The following ITGA4 variants were observed in gnomAD, a reference collection of about 807,000 sequenced individuals.
The protein encoded by ITGA4 is integrin subunit alpha 4.
ITGA4 carries 63 observed loss-of-function variants against 133.6 expected under a neutral mutation model. That is an observed-to-expected ratio of 0.47 (90% CI 0.38 to 0.58). The LOEUF is 0.58. ITGA4 is among the 20% of genes least tolerant of loss of function. The probability of loss-of-function intolerance (pLI) is 0.00; values close to 1 mark genes in which losing one functional copy is unlikely to be tolerated. For synonymous variants in ITGA4, 483 were observed against 438.0 expected, an observed-to-expected ratio of 1.10 and a Z score of -1.28; for missense variants, 1,076 against 1,252.7, an observed-to-expected ratio of 0.86 and a Z score of 2.13.
At chr2:181,487,304 G>A (rs1551032) in intron 10 of ITGA4, among the ~76,000 whole-genome samples, 1 of 152,224 alleles carries the variant, frequency 6.6e-6, no homozygotes, top group South Asian at 2.1e-4. Context: ...AGACAGGGGT[G>A]AGGGAAGGTG....
intron 15 of ITGA4, among the ~76,000 whole-genome samples, chr2:181,503,015 A>C (rs1686312722): frequency 6.6e-6 from 1 of 152,034 alleles, no homozygotes; most frequent in Admixed American, 6.6e-5. Flanking sequence ...GGGACCAGGA[A>C]AGAAATTTGA....
At chr2:181,457,910 C>A in intron 1 of ITGA4, 59 bp downstream of exon 1, 1 of 1,458,542 alleles carries the variant, frequency 6.9e-7, no homozygotes, top group Non-Finnish European at 9.3e-7. Flanking sequence ...GAATGGCGCC[C>A]TAGGGATTCC....
intron 17 of ITGA4, among the ~76,000 whole-genome samples, chr2:181,518,285 C>G (rs1686650794): frequency 6.6e-6 from 1 of 152,082 alleles, no homozygotes; most frequent in South Asian, 2.1e-4. Context: ...ACACATTCTT[C>G]CAGCATATCC....
chr2:181,480,292 A>G lies in ITGA4; in HGVS notation c.754+26A>G, dbSNP rs748467631. 4 of 1,286,350 alleles carry G rather than the reference A, an allele frequency of 3.1e-6. No individual in the cohort carries two copies. The South Asian group carries it at 5.0e-5, about 16-fold the overall frequency. 79.7% of individuals were successfully genotyped at this position (1,286,350 alleles called of 1,614,324 possible). On this transcript the variant is annotated intron_variant, in intron 6 of 27. Coordinates refer to ENST00000397033, the MANE Select transcript of ITGA4 (RefSeq NM_000885.6). ...GTACTATAAAAATTGACAAACTTAA[A>G]TGATCTGTGCCTTACAAATACTAGT...
At chr2:181,470,124 A>T (rs1456147255) in intron 2 of ITGA4, among the ~76,000 whole-genome samples, 1 of 152,162 alleles carries the variant, frequency 6.6e-6, no homozygotes, top group Non-Finnish European at 1.5e-5. Context: ...ACCCTTGCCC[A>T]CTGTTGATGG....
chr2:181,527,913 A>G (rs1686867358), intron 22 of ITGA4, among the ~76,000 whole-genome samples: 2 of 152,214 alleles, frequency 1.3e-5, no homozygotes, highest in South Asian at 4.1e-4. Context: ...AAAGAGTACT[A>G]TCGTAATTCA....
intron 22 of ITGA4, among the ~76,000 whole-genome samples, chr2:181,528,732 T>C (rs181000680): frequency 6.6e-6 from 1 of 151,176 alleles, no homozygotes; most frequent in East Asian, 1.9e-4. Flanking sequence ...ATTCATAAAA[T>C]GACTGCAGGT....
intron 20 of ITGA4, 85 bp from the exon 21 acceptor site, chr2:181,525,117 A>G (rs1453710698): frequency 1.4e-6 from 1 of 729,726 alleles, no homozygotes; most frequent in Non-Finnish European, 2.4e-6. Context: ...CTCTGAGTAT[A>G]TTAGGTATAC....
intron 15 of ITGA4, among the ~76,000 whole-genome samples, chr2:181,502,418 A>G (rs547345855): frequency 1.3e-5 from 2 of 152,246 alleles, no homozygotes; most frequent in South Asian, 4.1e-4. Flanking sequence ...GGCATGCTGC[A>G]ATAGAGTGAA....
intron 20 of ITGA4, among the ~76,000 whole-genome samples, chr2:181,524,959 T>TAAA (rs34230117): frequency 0.1 from 14,666 of 146,304 alleles, 958 homozygotes; most frequent in East Asian, 0.2. Context: ...AACTATTTGT[T>TAAA]AAAAAAAAAA....
intron 15 of ITGA4, among the ~76,000 whole-genome samples, chr2:181,506,719 A>T (rs10803949): frequency 0.98 from 148,855 of 152,228 alleles, 72,883 homozygotes; most frequent in Middle Eastern, 1. Context: ...CAGCAATAAT[A>T]TGTGTGATAG....
At chr2:181,511,846 CA>C in intron 17 of ITGA4, 71 bp downstream of exon 17, 1 of 740,212 alleles carries the variant, frequency 1.4e-6, no homozygotes, top group Non-Finnish European at 2.4e-6. Flanking sequence ...TTTGCATTCC[CA>C]AAAGAAAAGG....
intron 21 of ITGA4, among the ~76,000 whole-genome samples, chr2:181,526,673 C>T (rs1686835394): frequency 6.6e-6 from 1 of 151,838 alleles, no homozygotes; most frequent in Non-Finnish European, 1.5e-5. Flanking sequence ...GAAGTTATCC[C>T]ACATTACATT....
At chr2:181,483,549 C>G (rs1685851408) in intron 9 of ITGA4, among the ~76,000 whole-genome samples, 1 of 152,170 alleles carries the variant, frequency 6.6e-6, no homozygotes, top group African/African-American at 2.4e-5. Flanking sequence ...TATTAAGCAT[C>G]AGACTAAACT....
chr2:181,511,669 A>T, intron 16 of ITGA4, 30 bp from the exon 17 acceptor site: 4 of 1,268,042 alleles, frequency 3.2e-6, no homozygotes, highest in Non-Finnish European at 4.6e-6. Flanking sequence ...GATTAAATCA[A>T]AATAAAAAAC....
chr2:181,490,973 G>A (rs925287016), intron 10 of ITGA4, among the ~76,000 whole-genome samples: 2 of 152,102 alleles, frequency 1.3e-5, no homozygotes, highest in Non-Finnish European at 2.9e-5. Context: ...AGTTGCATAG[G>A]CTTGGAAAAC....
intron 17 of ITGA4, among the ~76,000 whole-genome samples, chr2:181,513,439 A>T (rs1686544735): frequency 6.6e-6 from 1 of 152,030 alleles, no homozygotes; most frequent in East Asian, 1.9e-4. Flanking sequence ...TATTTCTGAT[A>T]TCCAGAATTA....
At chr2:181,458,404 T>G in intron 2 of ITGA4, 87 bp downstream of exon 2, 1 of 1,497,240 alleles carries the variant, frequency 6.7e-7, no homozygotes, top group Non-Finnish European at 9.1e-7. Context: ...AAGATTCACG[T>G]TGCCTGTTAC....
rs372232145 is a variant in ITGA4 at position 181,530,617 on chromosome 2, C to T, written c.2632C>T (p.Arg878Trp). ...SAMQTLKGIV[R>W]FLSKTDKRLL... is the part of the protein sequence containing the mutation. ...AATGCAGACCTTGAAAGGCATAGTC[C>T]GGTTCTTGTCCAAGACTGATAAGAG... Residue 878 changes from arginine (R) to tryptophan (W), a missense_variant, in exon 24 of 28, where the codon CGG (arginine) becomes TGG (tryptophan). Arg to Trp is a moderately radical substitution (Grantham distance 101). Coordinates refer to ENST00000397033, the MANE Select transcript of ITGA4 (RefSeq NM_000885.6). 1.2e-6 allele frequency: 2 copies of T among 1,613,060 alleles called. No homozygotes were observed. The highest frequency in any genetic ancestry group is 1.7e-6 in the Non-Finnish European group (2 of 1,179,334).
Sources: allele counts gnomAD v4.1 joint callset (sites outside exome capture counted in the v4.1 genomes callset), GRCh38; gene constraint gnomAD v4.1.1; transcripts MANE v1.5; gene names NCBI Gene and HGNC (gene_info 2026-07-23, HGNC 2026-07-21).